The following HS6ST3 variants were observed in gnomAD, a reference collection of about 807,000 sequenced individuals.
HS6ST3 encodes the protein heparan-sulfate 6-O-sulfotransferase 3.
Under a neutral mutation model 36.7 loss-of-function variants are expected in HS6ST3, and 12 were observed. That is an observed-to-expected ratio of 0.33 (90% CI 0.21 to 0.53). HS6ST3 has a LOEUF of 0.53. HS6ST3 is among the 20% of genes least tolerant of loss of function. HS6ST3 has a pLI of 0.95. For missense variants in HS6ST3, 584 were observed against 640.9 expected (o/e 0.91, Z 0.96); for synonymous variants, 240 against 257.5 (o/e 0.93, Z 0.65).
intron 1 of HS6ST3, among the ~76,000 whole-genome samples, chr13:96,577,755 G>A (rs960446815): frequency 1.3e-5 from 2 of 152,112 alleles, no homozygotes; most frequent in Non-Finnish European, 2.9e-5. Context: ...CATCGTCACT[G>A]GTCATTAGAG....
intron 1 of HS6ST3, among the ~76,000 whole-genome samples, chr13:96,495,980 C>T (rs2055973430): frequency 6.6e-6 from 1 of 152,220 alleles, no homozygotes; most frequent in Non-Finnish European, 1.5e-5. Context: ...TAATCACCGC[C>T]TCAACCCCGT....
intron 1 of HS6ST3, among the ~76,000 whole-genome samples, chr13:96,726,576 A>G (rs1294450573): frequency 2.0e-5 from 3 of 152,202 alleles, no homozygotes; most frequent in African/African-American, 7.2e-5. Context: ...ACCTTACTAA[A>G]CTAAGTTATT....
At chr13:96,251,966 G>A (rs545891441) in intron 1 of HS6ST3, among the ~76,000 whole-genome samples, 3 of 152,162 alleles carry the variant, frequency 2.0e-5, no homozygotes, top group South Asian at 2.1e-4. Context: ...CTGGTTTTTA[G>A]TATATAATCT....
intron 1 of HS6ST3, among the ~76,000 whole-genome samples, chr13:96,472,834 C>T (rs1471608144): frequency 1.3e-5 from 2 of 152,116 alleles, no homozygotes; most frequent in Non-Finnish European, 2.9e-5. Flanking sequence ...TGATTGGTTA[C>T]TTGTAAGACA....
intron 1 of HS6ST3, among the ~76,000 whole-genome samples, chr13:96,667,975 A>G (rs1594831683): frequency 2.0e-5 from 3 of 152,312 alleles, no homozygotes; most frequent in Admixed American, 2.0e-4. Context: ...TTTCCAAAGC[A>G]CCTACTGTTT....
At chr13:96,663,078 C>T (rs1284477501) in intron 1 of HS6ST3, among the ~76,000 whole-genome samples, 2 of 152,078 alleles carry the variant, frequency 1.3e-5, no homozygotes. Context: ...CTGTGCTCAC[C>T]CACAAATACC....
At chr13:96,492,818 G>C (rs1339846325) in intron 1 of HS6ST3, among the ~76,000 whole-genome samples, 1 of 152,132 alleles carries the variant, frequency 6.6e-6, no homozygotes, top group East Asian at 1.9e-4. Flanking sequence ...CACTCCAAAT[G>C]GGGGTTGAGA....
intron 1 of HS6ST3, among the ~76,000 whole-genome samples, chr13:96,603,974 G>T (rs2056430149): frequency 6.6e-6 from 1 of 152,176 alleles, no homozygotes; most frequent in Non-Finnish European, 1.5e-5. Flanking sequence ...AACTTGGTCT[G>T]TAAGTGTATA....
At chr13:96,518,126 C>A (rs2056079990) in intron 1 of HS6ST3, among the ~76,000 whole-genome samples, 1 of 152,142 alleles carries the variant, frequency 6.6e-6, no homozygotes. Flanking sequence ...ATGCACCTTT[C>A]TTAAAGGCAC....
chr13:96,375,911 A>G (rs1265825283), intron 1 of HS6ST3, among the ~76,000 whole-genome samples: 1 of 152,246 alleles, frequency 6.6e-6, no homozygotes, highest in South Asian at 2.1e-4. Flanking sequence ...ATATATTTCA[A>G]CGATAATTTA....
intron 1 of HS6ST3, among the ~76,000 whole-genome samples, chr13:96,482,290 G>C (rs2055893597): frequency 6.6e-6 from 1 of 152,130 alleles, no homozygotes; most frequent in Non-Finnish European, 1.5e-5. Flanking sequence ...CTGTCAATCT[G>C]CTTTCTTTGC....
intron 1 of HS6ST3, among the ~76,000 whole-genome samples, chr13:96,164,051 G>A (rs192536060): frequency 6.6e-6 from 1 of 152,256 alleles, no homozygotes; most frequent in African/African-American, 2.4e-5. Flanking sequence ...CAGGGACTGT[G>A]GCTATCATTG....
At chr13:96,666,192 A>G (rs2056663734) in intron 1 of HS6ST3, among the ~76,000 whole-genome samples, 2 of 152,092 alleles carry the variant, frequency 1.3e-5, no homozygotes, top group Non-Finnish European at 2.9e-5. Context: ...CCCTTATAAA[A>G]CCATCAGATC....
intron 1 of HS6ST3, among the ~76,000 whole-genome samples, chr13:96,399,265 T>C (rs766051654): frequency 5.3e-5 from 8 of 152,240 alleles, no homozygotes; most frequent in Non-Finnish European, 1.2e-4. Context: ...TAAAAAGTGC[T>C]ATTCATAGTT....
intron 1 of HS6ST3, among the ~76,000 whole-genome samples, chr13:96,391,219 C>T (rs1213637710): frequency 1.3e-5 from 2 of 152,154 alleles, no homozygotes; most frequent in East Asian, 1.9e-4. Context: ...GCTCTCAGTA[C>T]ATGTAAGTTT....
At chr13:96,702,894 T>A (rs975284503) in intron 1 of HS6ST3, among the ~76,000 whole-genome samples, 53 of 152,158 alleles carry the variant, frequency 3.5e-4, no homozygotes, top group African/African-American at 1.3e-3. Context: ...GAAGCAGGAA[T>A]GATATACTTG....
intron 1 of HS6ST3, among the ~76,000 whole-genome samples, chr13:96,625,775 T>A (rs1055681610): frequency 2.0e-5 from 3 of 152,002 alleles, no homozygotes; most frequent in Non-Finnish European, 4.4e-5. Flanking sequence ...GCAAAGAACT[T>A]GTCCCAATTT....
chr13:96,360,185 G>A (rs1177040927), intron 1 of HS6ST3, among the ~76,000 whole-genome samples: 1 of 152,112 alleles, frequency 6.6e-6, no homozygotes, highest in Non-Finnish European at 1.5e-5. Flanking sequence ...TCCAACAGCA[G>A]CAGGGGACCT....
At chr13:96,744,124 T>A (rs1384398187) in intron 1 of HS6ST3, among the ~76,000 whole-genome samples, 1 of 152,050 alleles carries the variant, frequency 6.6e-6, no homozygotes, top group Admixed American at 6.6e-5. Flanking sequence ...ATAAAATGCA[T>A]AGACTCCAAG....
Sources: gnomAD v4.1 joint callset for allele counts (sites outside exome capture counted in the v4.1 genomes callset) on GRCh38, gnomAD v4.1.1 for gene constraint, MANE v1.5 for transcripts, NCBI Gene and HGNC (gene_info 2026-07-23, HGNC 2026-07-21) for gene names.